Variants in ABCC9 observed in about 807,000 individuals in gnomAD.
ABCC9 encodes the protein ATP-binding cassette sub-family C member 9.
In ABCC9, 95 loss-of-function variants were observed where a neutral mutation model predicts 188.3. The observed-to-expected ratio is 0.50, with a 90% CI of 0.43 to 0.60. The LOEUF (loss-of-function observed/expected upper bound fraction) is 0.60, where lower values mean the gene tolerates loss of function less well. Among genes scored for constraint, ABCC9 ranks in the 20% least tolerant of loss-of-function variants. The pLI is 0.00. For synonymous variants in ABCC9, 659 were observed against 652.7 expected (o/e 1.01, Z -0.15); for missense variants, 1,102 against 1,876.3 (o/e 0.59, Z 7.62).
chr12:21,908,820 T>A (rs75280226), intron 10 of ABCC9, among the ~76,000 whole-genome samples: 3,611 of 152,024 alleles, frequency 0.024, 128 homozygotes, highest in African/African-American at 0.082. Context: ...AATATACTTC[T>A]CTTTCCCCAA....
chr12:21,805,359 C>G, intron 39 of ABCC9: 1 of 1,565,284 alleles, frequency 6.4e-7, no homozygotes, highest in Non-Finnish European at 8.8e-7. Context: ...GGAAAAATGT[C>G]CAAGTGACTC....
intron 34 of ABCC9, 29 bp from the exon 35 acceptor site, chr12:21,814,751 A>G: frequency 3.8e-6 from 6 of 1,591,094 alleles, no homozygotes; most frequent in Non-Finnish European, 4.3e-6. Flanking sequence ...CTCAAAGAGA[A>G]GAGGACTCAG....
intron 12 of ABCC9, among the ~76,000 whole-genome samples, chr12:21,903,975 C>A (rs1364244765): frequency 6.6e-6 from 1 of 152,190 alleles, no homozygotes; most frequent in African/African-American, 2.4e-5. Context: ...ATTGCCAAGA[C>A]AATCCTAAGC....
chr12:21,882,966 A>G, intron 15 of ABCC9, 93 bp from the exon 16 acceptor site: 2 of 933,380 alleles, frequency 2.1e-6, no homozygotes, highest in Non-Finnish European at 3.5e-6. Flanking sequence ...CTAAGTTCCA[A>G]GAAAAAGAAG....
At chr12:21,901,387 C>T (rs1253557670) in intron 12 of ABCC9, among the ~76,000 whole-genome samples, 2 of 152,174 alleles carry the variant, frequency 1.3e-5, no homozygotes, top group South Asian at 2.1e-4. Flanking sequence ...TAGGAAGAAA[C>T]TGCATCAACT....
Position 21,873,557 on chromosome 12 carries a change from A to G in ABCC9, c.2093-827T>C, listed in dbSNP as rs528023167. On this transcript the variant is annotated intron_variant, in intron 17 of 39. Coordinates refer to ENST00000261200, the MANE Select transcript of ABCC9 (RefSeq NM_020297.4). ...CCTACAGCATTTTTTACAGAAATAG[A>G]AAAATCAATTCCAAAATTCATATGG... Among the ~76,000 whole-genome samples the G allele has an allele frequency of 2.8e-4, 43 of 152,322 alleles. 1 individual carries two copies. The South Asian group carries it at 7.0e-3, about 25-fold the overall frequency.
Position 21,887,898 on chromosome 12 carries a change from C to A in ABCC9, c.1839G>T (p.Glu613Asp). 1.9e-6 allele frequency: 3 copies of A among 1,613,478 alleles called. No individual in the cohort carries two copies. The highest frequency in any genetic ancestry group is 1.1e-5 in the South Asian group (1 of 91,076). The change falls in exon 15 of 40, where the codon GAG becomes GAT. Residue 613 changes from glutamate to aspartate, a missense_variant. Around this residue, in one of 12 missense-constraint regions of ABCC9, gnomAD observed 258 missense variants for 325.6 expected, o/e 0.79. Coordinates refer to ENST00000261200, the MANE Select transcript of ABCC9 (RefSeq NM_020297.4). ...CAGTTCGCCAACTGTCGTCACCAAT[C>A]TCATCACTCAAGAGAAACTCATTCA... ...QKLNEFLLSD[E>D]IGDDSWRTGE...
rs191537541 is a variant in ABCC9, at chr12:21,846,361, G to C, written c.2867-529C>G. The stretch of plus-strand genomic sequence containing the variant: ...TCCTCTCAGATGTTTAAACCATCTA[G>C]AAACTCCAAGATGGGCTTCCTTAAG... On this transcript the variant is annotated intron_variant, in intron 25 of 39. Coordinates refer to ENST00000261200, the MANE Select transcript of ABCC9 (RefSeq NM_020297.4). Among the ~76,000 whole-genome samples, 364 of 152,300 alleles carry C rather than the reference G, an allele frequency of 2.4e-3. 1 individual carries two copies. Among genetic ancestry groups the C allele is most frequent in the African/African-American group, 8.2e-3 (341 of 41,566 alleles).
chr12:21,911,061 C>G (rs1948302547), intron 8 of ABCC9, 83 bp from the exon 9 acceptor site: 1 of 1,302,056 alleles, frequency 7.7e-7, no homozygotes, highest in African/African-American at 1.5e-5. Flanking sequence ...TTAAAAGATA[C>G]ATAATATTTA....
intron 22 of ABCC9, among the ~76,000 whole-genome samples, chr12:21,857,376 A>G (rs1945279093): frequency 6.6e-6 from 1 of 152,178 alleles, no homozygotes; most frequent in Non-Finnish European, 1.5e-5. Flanking sequence ...ATATATATAT[A>G]TTTTGCTGCA....
At chr12:21,803,528 G>A (rs1455350907) in intron 39 of ABCC9, among the ~76,000 whole-genome samples, 1 of 151,626 alleles carries the variant, frequency 6.6e-6, no homozygotes, top group Non-Finnish European at 1.5e-5. Context: ...GGTGGTGCAT[G>A]CCTGCAACCC....
At chr12:21,863,531 T>C (rs1945630599) in intron 19 of ABCC9, among the ~76,000 whole-genome samples, 1 of 152,178 alleles carries the variant, frequency 6.6e-6, no homozygotes, top group African/African-American at 2.4e-5. Context: ...ATAGATAATA[T>C]GTAAATATTT....
intron 16 of ABCC9, among the ~76,000 whole-genome samples, chr12:21,877,375 A>G (rs1946413987): frequency 6.6e-6 from 1 of 152,246 alleles, no homozygotes; most frequent in Admixed American, 6.5e-5. Flanking sequence ...TGTCAATGAA[A>G]GCATTTGTAG....
At chr12:21,816,045 T>TTTG in intron 33 of ABCC9, 152 bp from the exon 34 acceptor site, 1 of 48,958 alleles carries the variant, frequency 2.0e-5, no homozygotes, top group Non-Finnish European at 3.5e-5. Flanking sequence ...AGTTTTTTTT[T>TTTG]TTTTTTTTTT....
rs1489712694 is a variant in ABCC9, at chr12:21,842,370, G to A, written c.3417C>T (p.Leu1139=). The change falls in exon 29 of 40, where the codon CTC becomes CTT. Residue 1139 remains leucine, a synonymous_variant. Transcript: ENST00000261200. The stretch of plus-strand genomic sequence containing the variant: ...AATAAAAGGCAACACCAAGGGGCAG[G>A]AGAGCAACCAGGAACACAGGAGTAG... ...SYATPVFLVA[L]LPLGVAFYFI... is the part of the protein sequence containing the mutation. The A allele has an allele frequency of 6.2e-7, 1 of 1,614,164 alleles. No homozygotes were observed. Among genetic ancestry groups the A allele is most frequent in the Admixed American group, 1.7e-5 (1 of 60,022 alleles).
At chr12:21,837,982 T>C in intron 30 of ABCC9, 96 bp downstream of exon 30, 2 of 1,059,682 alleles carry the variant, frequency 1.9e-6, no homozygotes, top group East Asian at 4.8e-5. Flanking sequence ...AATGGGGAGA[T>C]CAAACAAAAT....
chr12:21,818,524 A>ATGTGTGTG (rs1359501615), intron 31 of ABCC9, among the ~76,000 whole-genome samples: 2 of 125,034 alleles, frequency 1.6e-5, no homozygotes, highest in African/African-American at 6.3e-5. Context: ...AGATATATAT[A>ATGTGTGTG]TATGTGTGTG....
chr12:21,852,300 A>C (rs974315446), intron 23 of ABCC9, 68 bp downstream of exon 23: 36 of 1,612,770 alleles, frequency 2.2e-5, no homozygotes, highest in Non-Finnish European at 3.1e-5. Context: ...TTCAGAAAGC[A>C]TTTTTTACTG....
rs1271933213 is a variant in ABCC9 at position 21,887,924 on chromosome 12, G to A, written c.1813C>T (p.Leu605=). 6.2e-7 allele frequency: 1 copy of A among 1,612,374 alleles called. No homozygotes were observed. Among genetic ancestry groups the A allele is most frequent in the South Asian group, 1.1e-5 (1 of 91,054 alleles). ...TCATCACTCAAGAGAAACTCATTCA[G>A]CTTTTGAACACTGCAAAAAACAATA... The part of the protein sequence containing the change: ...AVKAIISVQK[L]NEFLLSDEIG... Residue 605 remains leucine, a synonymous_variant, in exon 15 of 40, where the codon CTG becomes TTG. Transcript: ENST00000261200.
Sources: allele counts gnomAD v4.1 joint callset (sites outside exome capture counted in the v4.1 genomes callset), GRCh38; gene constraint gnomAD v4.1.1; regional missense constraint gnomAD v4.1.1; transcripts MANE v1.5; gene names NCBI Gene and HGNC (gene_info 2026-07-23, HGNC 2026-07-21).